The following POU6F1 variants were observed in gnomAD, a reference collection of about 807,000 sequenced individuals.
POU6F1 encodes POU class 6 homeobox 1.
POU6F1 carries 9 observed loss-of-function variants against 28.9 expected under a neutral mutation model. The ratio of observed to expected loss-of-function variants is 0.31; its 90% CI spans 0.19 to 0.54. POU6F1 has a LOEUF of 0.54. Among genes scored for constraint, POU6F1 ranks in the 20% least tolerant of loss-of-function variants. The pLI is 0.94. For missense variants in POU6F1, 338 were observed against 426.1 expected, an observed-to-expected ratio of 0.79 and a Z score of 1.82; for synonymous variants, 173 against 171.1, an observed-to-expected ratio of 1.01 and a Z score of -0.09.
At chr12:51,214,694 T>G (rs565868033) in intron 1 of POU6F1, among the ~76,000 whole-genome samples, 37 of 152,098 alleles carry the variant, frequency 2.4e-4, no homozygotes, top group African/African-American at 8.0e-4. Flanking sequence ...TCCCAGCACT[T>G]TGGGAGGCTG....
chr12:51,192,225 C>G, intron 9 of POU6F1, 105 bp downstream of exon 9: 2 of 1,451,380 alleles, frequency 1.4e-6, no homozygotes, highest in Non-Finnish European at 1.9e-6. Flanking sequence ...CTCTGCCCTT[C>G]CCCTCTGGAC....
At chr12:51,196,738 G>A (rs1042261556) in intron 7 of POU6F1, 61 bp downstream of exon 7, 17 of 1,588,636 alleles carry the variant, frequency 1.1e-5, no homozygotes, top group East Asian at 6.7e-5. Flanking sequence ...AGACCTGGCC[G>A]CCATCCCCTG....
At chr12:51,192,829 TG>T (rs1462702697) in intron 8 of POU6F1, among the ~76,000 whole-genome samples, 2 of 150,438 alleles carry the variant, frequency 1.3e-5, no homozygotes, top group Non-Finnish European at 3.0e-5. Flanking sequence ...TGCTTGAACC[TG>T]GGAGGCGGAG....
intron 3 of POU6F1, chr12:51,201,557 C>T (rs1333413204): frequency 2.0e-5 from 3 of 148,766 alleles, no homozygotes. Context: ...AAAAAATTAG[C>T]AAACATAAGG....
chr12:51,202,788 A>G (rs1943317007), intron 3 of POU6F1, among the ~76,000 whole-genome samples: 1 of 152,232 alleles, frequency 6.6e-6, no homozygotes. Flanking sequence ...TAAAAGACAT[A>G]GGTACATGAA....
chr12:51,213,906 G>A (rs1944155590), intron 1 of POU6F1, among the ~76,000 whole-genome samples: 1 of 151,438 alleles, frequency 6.6e-6, no homozygotes, highest in Non-Finnish European at 1.5e-5. Context: ...ACTTTGGGAG[G>A]CCAAGGCAGG....
intron 3 of POU6F1, chr12:51,202,250 G>A (rs1943266695): frequency 6.6e-6 from 1 of 152,124 alleles, no homozygotes; most frequent in African/African-American, 2.4e-5. Context: ...CTCATTGATA[G>A]CAAGATTTTA....
At chr12:51,210,374 C>T (rs1943912785) in intron 1 of POU6F1, among the ~76,000 whole-genome samples, 1 of 152,190 alleles carries the variant, frequency 6.6e-6, no homozygotes, top group East Asian at 1.9e-4. Flanking sequence ...TGCATTATAG[C>T]TTGATACATA....
At chr12:51,194,180 C>T (rs1942645576) in intron 8 of POU6F1, among the ~76,000 whole-genome samples, 1 of 152,144 alleles carries the variant, frequency 6.6e-6, no homozygotes, top group Non-Finnish European at 1.5e-5. Context: ...GTGCCCGCCA[C>T]CACACCTGGC....
Position 51,190,400 on chromosome 12 carries a change from G to A in POU6F1, c.1683C>T (p.Ala561=), listed in dbSNP as rs893827277. ...FTPQAIEALN[A]YFEKNPLPTG... ...TGGGCAGTGGGTTCTTCTCAAAATA[G>A]GCATTGAGAGCCTCTATGGCCTGGG... Residue 561 remains alanine (A), a synonymous_variant, in exon 11 of 11, where the codon GCC becomes GCT. Transcript: ENST00000333640. This position sits in a 1 kb window ranked among gnomAD's most constrained non-coding sequence, Gnocchi z 4.5. 2 of 1,614,132 alleles carry A rather than the reference G, an allele frequency of 1.2e-6. No homozygotes were observed. Among genetic ancestry groups the A allele is most frequent in the Non-Finnish European group, 1.7e-6 (2 of 1,180,032 alleles).
In POU6F1 at chr12:51,196,957, A is replaced by C. The variant is rs548147869; in HGVS notation, c.847-30T>G. ...GGGTGGAGGAAGAGCCTTGCTCAGAAGCCAAGGGGTGAGAAGAACCCCGGG... is the reference window on the plus strand; with the variant it reads ...GGGTGGAGGAAGAGCCTTGCTCAGACGCCAAGGGGTGAGAAGAACCCCGGG... On this transcript the variant is annotated intron_variant, in intron 6 of 10. Coordinates refer to ENST00000333640, the MANE Select transcript of POU6F1 (RefSeq NM_001330422.2). 11 of 1,396,846 alleles carry C rather than the reference A, an allele frequency of 7.9e-6. No individual in the cohort carries two copies. The Admixed American group carries it at 1.6e-4, about 21-fold the overall frequency. 86.5% of individuals were successfully genotyped at this position (1,396,846 alleles called of 1,614,324 possible).
Position 51,191,655 on chromosome 12 carries a change from C to T in POU6F1, c.1431G>A (p.Gln477=), listed in dbSNP as rs909803204. The part of the protein sequence containing the change: ...RRLSLGLTQT[Q]VGQALTATEG... Reference sequence around the variant, plus strand: ...CCGTTGCAGTCAGAGCCTGACCCACCTGGGTCTGTGTAAGGCCCAGCGAGA... The same window carrying T: ...CCGTTGCAGTCAGAGCCTGACCCACTTGGGTCTGTGTAAGGCCCAGCGAGA... Residue 477 remains glutamine (Q), a synonymous_variant, in exon 10 of 11, where the codon CAG becomes CAA. Coordinates refer to ENST00000333640, the MANE Select transcript of POU6F1 (RefSeq NM_001330422.2). The T allele has an allele frequency of 1.9e-6, 3 of 1,614,170 alleles. No individual in the cohort carries two copies. Among genetic ancestry groups the T allele is most frequent in the African/African-American group, 2.7e-5 (2 of 75,056 alleles).
chr12:51,191,202 C>G (rs1942381880), intron 10 of POU6F1, among the ~76,000 whole-genome samples: 1 of 152,192 alleles, frequency 6.6e-6, no homozygotes, highest in African/African-American at 2.4e-5. Flanking sequence ...ACAGTCATTC[C>G]TTGTTAGAGG....
intron 2 of POU6F1, among the ~76,000 whole-genome samples, chr12:51,206,234 T>C (rs1252763151): frequency 2.0e-5 from 3 of 150,842 alleles, no homozygotes; most frequent in Admixed American, 1.3e-4. Context: ...CCATCCTGGC[T>C]AACACGGTGA....
intron 2 of POU6F1, among the ~76,000 whole-genome samples, chr12:51,205,658 A>C (rs948463567): frequency 3.3e-5 from 5 of 152,218 alleles, no homozygotes; most frequent in African/African-American, 9.6e-5. Flanking sequence ...AAGTGGATCC[A>C]GTCGGAGGCT....
At chr12:51,214,061 T>C (rs1326997461) in intron 1 of POU6F1, among the ~76,000 whole-genome samples, 1 of 151,928 alleles carries the variant, frequency 6.6e-6, no homozygotes, top group Non-Finnish European at 1.5e-5. Context: ...GAGAATCGCT[T>C]GAACCGGGAG....
intron 1 of POU6F1, among the ~76,000 whole-genome samples, chr12:51,212,062 GTTTTTTTTTT>G (rs747221114): frequency 7.2e-6 from 1 of 138,552 alleles, no homozygotes; most frequent in African/African-American, 2.5e-5. Flanking sequence ...CTTGCCTTTC[GTTTTTTTTTT>G]TGTTTTTTTT....
chr12:51,192,257 G>C (rs183136469), intron 9 of POU6F1, 73 bp downstream of exon 9: 2 of 1,549,906 alleles, frequency 1.3e-6, no homozygotes, highest in African/African-American at 2.7e-5. Context: ...AAGGAAAGCA[G>C]CATCTGAAGA....
chr12:51,212,082 T>G (rs1944030589), intron 1 of POU6F1, among the ~76,000 whole-genome samples: 1 of 148,314 alleles, frequency 6.7e-6, no homozygotes, highest in African/African-American at 2.6e-5. Context: ...TTGTTTTTTT[T>G]GTTTTGTTTG....
Sources: allele counts gnomAD v4.1 joint callset (sites outside exome capture counted in the v4.1 genomes callset), GRCh38; gene constraint gnomAD v4.1.1; non-coding constraint Gnocchi (gnomAD v3.1); transcripts MANE v1.5; gene names NCBI Gene and HGNC (gene_info 2026-07-23, HGNC 2026-07-21).